NTN4: variants seen among roughly 807,000 people sequenced by gnomAD.
NTN4 encodes netrin-4.
A neutral mutation model predicts 73.6 loss-of-function variants in NTN4; 32 were observed. The observed-to-expected ratio is 0.44, with a 90% CI of 0.33 to 0.58. NTN4 has a LOEUF of 0.58. Ranked by LOEUF, NTN4 falls within the 20% of genes least tolerant of loss-of-function variation. The pLI is 0.04. For missense variants in NTN4, 654 were observed against 798.3 expected (o/e 0.82, Z 2.18); for synonymous variants, 258 against 287.5 (o/e 0.90, Z 1.04).
chr12:95,787,919 A>G (rs143708403), intron 1 of NTN4, among the ~76,000 whole-genome samples: 1 of 152,328 alleles, frequency 6.6e-6, no homozygotes, highest in East Asian at 1.9e-4. Flanking sequence ...TAGTCTTTCA[A>G]ATTTAATGTG....
At chr12:95,764,107 A>T (rs564609949) in intron 2 of NTN4, among the ~76,000 whole-genome samples, 2 of 152,350 alleles carry the variant, frequency 1.3e-5, no homozygotes, top group South Asian at 4.1e-4. Context: ...CATGCCAATG[A>T]TACTGACAGG....
chr12:95,709,721 C>T (rs2078549223), intron 5 of NTN4, among the ~76,000 whole-genome samples: 1 of 152,006 alleles, frequency 6.6e-6, no homozygotes, highest in Non-Finnish European at 1.5e-5. Context: ...TTTGTAGAGA[C>T]AGGGTTTTGC....
At chr12:95,757,979 T>A (rs2078959185) in intron 2 of NTN4, among the ~76,000 whole-genome samples, 2 of 152,172 alleles carry the variant, frequency 1.3e-5, no homozygotes, top group Non-Finnish European at 2.9e-5. Context: ...GGCAGTTTAT[T>A]CATTCATCAG....
In NTN4 at chr12:95,682,762, G is replaced by A. The variant is rs758314035; in HGVS notation, c.1455C>T (p.Ser485=). The change falls in exon 7 of 10, where the codon AGC becomes AGT. Residue 485 remains serine, a synonymous_variant. Coordinates refer to ENST00000343702, the MANE Select transcript of NTN4 (RefSeq NM_021229.4). ...CATCCTCCCACTCCCAGGCTGGTTC[G>A]CTCTTATTGTGCACGGGACGGAAGT... ...VPDFRPVHNK[S]EPAWEWEDAQ... 5.3e-5 allele frequency: 85 copies of A among 1,613,764 alleles called. No homozygotes were observed. The highest frequency in any genetic ancestry group is 1.6e-4 in the East Asian group (7 of 44,858).
chr12:95,671,488 G>A (rs1354452055), intron 7 of NTN4, among the ~76,000 whole-genome samples: 1 of 152,116 alleles, frequency 6.6e-6, no homozygotes, highest in African/African-American at 2.4e-5. Flanking sequence ...TGTTAGATGA[G>A]CAGCGGCATT....
chr12:95,701,789 C>T (rs1185658876), intron 5 of NTN4, among the ~76,000 whole-genome samples: 1 of 152,118 alleles, frequency 6.6e-6, no homozygotes, highest in Non-Finnish European at 1.5e-5. Flanking sequence ...ACCAGTAAGT[C>T]CTTGGCTTAA....
rs372479197 is a variant in NTN4, at chr12:95,658,980, T to C, written c.*106A>G. On this transcript the variant is annotated 3_prime_UTR_variant, in exon 10 of 10. Coordinates refer to ENST00000343702, the MANE Select transcript of NTN4 (RefSeq NM_021229.4). ...ACCCATGCATTCAAACATTTCTATATGTTTTGGCACTTTAAAAAATTCCAG... is the reference window on the plus strand; with the variant it reads ...ACCCATGCATTCAAACATTTCTATACGTTTTGGCACTTTAAAAAATTCCAG... The C allele has an allele frequency of 1.1e-4, 107 of 988,298 alleles. No individual in the cohort carries two copies. In the African/African-American group the frequency reaches 1.4e-3, roughly 13 times the overall value. 61.2% of individuals were successfully genotyped at this position (988,298 alleles called of 1,614,324 possible).
intron 2 of NTN4, among the ~76,000 whole-genome samples, chr12:95,753,962 TGTTTACACTGCCG>T (rs1379560212): frequency 5.3e-5 from 8 of 152,220 alleles, no homozygotes; most frequent in African/African-American, 1.9e-4. Context: ...GCCCTGCTCT[TGTTTACACTGCCG>T]GTTTACACTG....
chr12:95,727,442 AATTT>A (rs1303964092), intron 3 of NTN4, among the ~76,000 whole-genome samples: 1 of 151,994 alleles, frequency 6.6e-6, no homozygotes, highest in African/African-American at 2.4e-5. Flanking sequence ...GATGATGTCC[AATTT>A]ATTTGTTTTA....
In NTN4 at chr12:95,659,216, T is replaced by C; in HGVS notation, c.1757A>G (p.Glu586Gly). The C allele has an allele frequency of 6.2e-7, 1 of 1,609,542 alleles. No individual in the cohort carries two copies. The highest frequency in any genetic ancestry group is 1.7e-4 in the Middle Eastern group (1 of 6,026). Residue 586 changes from glutamate (E) to glycine (G), a missense_variant, in exon 10 of 10, where the codon GAA becomes GGA. By Grantham distance (98) the Glu-to-Gly change is moderately conservative. Transcript: ENST00000343702. ...ATCCTCATGTCCTGCTACAAGGTATTCCAAACCTAAAAAAGAACAAAATTA... is the reference window on the plus strand; with the variant it reads ...ATCCTCATGTCCTGCTACAAGGTATCCCAAACCTAAAAAAGAACAAAATTA... ...CTCPILNPGL[E>G]YLVAGHEDIR...
In NTN4 at chr12:95,723,721, A is replaced by C. The variant is rs142942548; in HGVS notation, c.865-10383T>G. Among the ~76,000 whole-genome samples, 197 of 152,286 alleles carry C rather than the reference A, an allele frequency of 1.3e-3. 7 individuals carry two copies. The East Asian group carries it at 0.035, about 27-fold the overall frequency. On this transcript the variant is annotated intron_variant, in intron 3 of 9. Coordinates refer to ENST00000343702, the MANE Select transcript of NTN4 (RefSeq NM_021229.4). ...GAGATGGGGTTTCGCCATGCTGGCCAGGCTGGTCTCAAACTCCTTACCTCA... is the reference window on the plus strand; with the variant it reads ...GAGATGGGGTTTCGCCATGCTGGCCCGGCTGGTCTCAAACTCCTTACCTCA...
At chr12:95,696,132 A>G (rs1217949475) in intron 5 of NTN4, among the ~76,000 whole-genome samples, 1 of 151,980 alleles carries the variant, frequency 6.6e-6, no homozygotes, top group Non-Finnish European at 1.5e-5. Flanking sequence ...TTTCCTTTGG[A>G]GAAACAAACC....
Position 95,659,233 on chromosome 12 carries a change from AC to A in NTN4, c.1751-12del, listed in dbSNP as rs1481288112. The A allele has an allele frequency of 6.2e-7, 1 of 1,605,380 alleles. No homozygotes were observed. Among genetic ancestry groups the A allele is most frequent in the Middle Eastern group, 1.7e-4 (1 of 6,002 alleles). On this transcript the variant is annotated splice_polypyrimidine_tract_variant and intron_variant, in intron 9 of 9. Coordinates refer to ENST00000343702, the MANE Select transcript of NTN4 (RefSeq NM_021229.4). ...CAAGGTATTCCAAACCTAAAAAAGA[AC>A]AAAATTAGGGGCTATACAGTATCAT...
At chr12:95,779,482 G>A (rs1386921279) in intron 2 of NTN4, among the ~76,000 whole-genome samples, 5 of 152,174 alleles carry the variant, frequency 3.3e-5, no homozygotes, top group South Asian at 2.1e-4. Context: ...ATCAATGTGC[G>A]AAAATCGCAA....
intron 3 of NTN4, among the ~76,000 whole-genome samples, chr12:95,726,435 C>T (rs921951601): frequency 7.2e-5 from 11 of 152,140 alleles, no homozygotes; most frequent in African/African-American, 2.2e-4. Flanking sequence ...CAAATTATAA[C>T]GTGTATCAGT....
At chr12:95,776,534 T>C (rs998114288) in intron 2 of NTN4, among the ~76,000 whole-genome samples, 12 of 152,182 alleles carry the variant, frequency 7.9e-5, no homozygotes, top group Non-Finnish European at 1.6e-4. Flanking sequence ...CAGTAGCCGA[T>C]TCGATCAACT....
chr12:95,719,211 T>C (rs1203431306), intron 3 of NTN4, among the ~76,000 whole-genome samples: 1 of 152,218 alleles, frequency 6.6e-6, no homozygotes, highest in Non-Finnish European at 1.5e-5. Context: ...TTCCTTGTGC[T>C]ACTGTGTCAT....
At chr12:95,674,850 C>G (rs1328281837) in intron 7 of NTN4, among the ~76,000 whole-genome samples, 1 of 152,186 alleles carries the variant, frequency 6.6e-6, no homozygotes, top group Non-Finnish European at 1.5e-5. Flanking sequence ...ACAGACCTAA[C>G]AGCTGCTGTG....
At chr12:95,721,725 T>C (rs1265440539) in intron 3 of NTN4, among the ~76,000 whole-genome samples, 1 of 152,260 alleles carries the variant, frequency 6.6e-6, no homozygotes, top group African/African-American at 2.4e-5. Context: ...ACACTGTGCA[T>C]AACCGAATGA....
Sources: allele counts gnomAD v4.1 joint callset (sites outside exome capture counted in the v4.1 genomes callset), GRCh38; gene constraint gnomAD v4.1.1; transcripts MANE v1.5; gene names NCBI Gene and HGNC (gene_info 2026-07-23, HGNC 2026-07-21).